ME3: variants seen among roughly 807,000 people sequenced by gnomAD.
The protein encoded by ME3 is malic enzyme 3, also known as NADP-dependent malic enzyme, mitochondrial.
In ME3, 48 loss-of-function variants were observed where a neutral mutation model predicts 68.9. The observed-to-expected ratio is 0.70, with a 90% CI of 0.55 to 0.89. The LOEUF is 0.89. Ranked by LOEUF, ME3 falls within the 40% of genes least tolerant of loss-of-function variation. The probability of loss-of-function intolerance (pLI) is 0.00; values close to 1 mark genes in which losing one functional copy is unlikely to be tolerated. For synonymous variants in ME3, 320 were observed against 318.8 expected (o/e 1.00, Z -0.04); for missense variants, 675 against 797.4 (o/e 0.85, Z 1.85).
rs576958985 is a variant in ME3 at position 86,549,780 on chromosome 11, G to A, written c.467+6773C>T. Among the ~76,000 whole-genome samples the A allele has an allele frequency of 1.3e-4, 20 of 152,228 alleles. No individual in the cohort carries two copies. In the East Asian group the frequency reaches 3.9e-3, roughly 29 times the overall value. ...GGAACTTCAAGAGGAAATTGGGGAA[G>A]AGAGGAGGATGGCAGATGTAGAACT... On this transcript the variant is annotated intron_variant, in intron 4 of 14. Coordinates refer to ENST00000543262, the Ensembl canonical transcript of ME3.
chr11:86,531,638 G>A (rs536955932), intron 4 of ME3, among the ~76,000 whole-genome samples: 110 of 152,222 alleles, frequency 7.2e-4, no homozygotes, highest in Non-Finnish European at 1.1e-3. Context: ...AGAAAATGTG[G>A]CACATATACA....
intron 7 of ME3, among the ~76,000 whole-genome samples, chr11:86,479,090 T>C (rs1253773549): frequency 6.6e-6 from 1 of 152,196 alleles, no homozygotes; most frequent in Middle Eastern, 3.2e-3. Flanking sequence ...CCTCACCCCA[T>C]ATGGGCAGGC....
intron 7 of ME3, among the ~76,000 whole-genome samples, chr11:86,480,549 C>A (rs1473963842): frequency 2.0e-5 from 3 of 152,168 alleles, no homozygotes; most frequent in Non-Finnish European, 4.4e-5. Context: ...CCAGAAACTT[C>A]CCAAGCAGGC....
intron 4 of ME3, among the ~76,000 whole-genome samples, chr11:86,527,910 T>C (rs1216259381): frequency 6.6e-6 from 1 of 152,074 alleles, no homozygotes; most frequent in Non-Finnish European, 1.5e-5. Flanking sequence ...CACACAAAAA[T>C]GTAGAGACCA....
downstream of ME3, among the ~76,000 whole-genome samples, chr11:86,440,474 G>A (rs1003848904): frequency 5.3e-5 from 8 of 152,164 alleles, no homozygotes; most frequent in African/African-American, 1.9e-4. Context: ...CCAGGAAAAT[G>A]AAATCAAGTC....
chr11:86,597,520 G>T (rs538529774), intron 2 of ME3, among the ~76,000 whole-genome samples: 1 of 152,328 alleles, frequency 6.6e-6, no homozygotes, highest in Non-Finnish European at 1.5e-5. Flanking sequence ...CAAGCCTGTT[G>T]TCAGCTCCTT....
intron 2 of ME3, among the ~76,000 whole-genome samples, chr11:86,666,901 AAAG>A (rs1306483663): frequency 1.3e-5 from 2 of 152,234 alleles, no homozygotes; most frequent in East Asian, 3.9e-4. Context: ...CCCCTCATCC[AAAG>A]AAGACAAGAT....
chr11:86,626,715 C>T (rs1471505838), intron 2 of ME3, among the ~76,000 whole-genome samples: 1 of 152,168 alleles, frequency 6.6e-6, no homozygotes, highest in African/African-American at 2.4e-5. Context: ...TTCTAACAAG[C>T]TTTATAAAGG....
chr11:86,493,741 A>G (rs1037562490), intron 6 of ME3, among the ~76,000 whole-genome samples: 1 of 152,204 alleles, frequency 6.6e-6, no homozygotes, highest in Non-Finnish European at 1.5e-5. Context: ...TGGTATTGGC[A>G]GGTAAAAGTG....
chr11:86,437,653 T>C (rs1367137579), downstream of ME3, among the ~76,000 whole-genome samples: 2 of 152,184 alleles, frequency 1.3e-5, no homozygotes, highest in Non-Finnish European at 2.9e-5. Context: ...TGTTTTGTAG[T>C]TTTTGGTATA....
intron 4 of ME3, among the ~76,000 whole-genome samples, chr11:86,518,891 C>A (rs1392539006): frequency 6.6e-6 from 1 of 152,178 alleles, no homozygotes; most frequent in Non-Finnish European, 1.5e-5. Flanking sequence ...AGAGATTGGA[C>A]TGATGCATCC....
At chr11:86,570,514 G>T (rs972480792) in intron 2 of ME3, among the ~76,000 whole-genome samples, 2 of 152,180 alleles carry the variant, frequency 1.3e-5, no homozygotes, top group African/African-American at 4.8e-5. Context: ...ACACTCCTGA[G>T]ATGGATATAT....
chr11:86,601,001 G>A (rs1245367763), intron 2 of ME3, among the ~76,000 whole-genome samples: 1 of 151,814 alleles, frequency 6.6e-6, no homozygotes, highest in Non-Finnish European at 1.5e-5. Context: ...GAGAAAGCAG[G>A]AAAGATCCAA....
chr11:86,554,520 C>T (rs1322281683), intron 4 of ME3, among the ~76,000 whole-genome samples: 2 of 152,134 alleles, frequency 1.3e-5, no homozygotes, highest in Non-Finnish European at 2.9e-5. Flanking sequence ...TCTATCAATC[C>T]TTTCTCCTTT....
chr11:86,644,935 G>A (rs1018244941), intron 2 of ME3, among the ~76,000 whole-genome samples: 1 of 152,150 alleles, frequency 6.6e-6, no homozygotes, highest in Non-Finnish European at 1.5e-5. Context: ...GTGGGGCATC[G>A]CCTCACCTGG....
intron 2 of ME3, among the ~76,000 whole-genome samples, chr11:86,634,043 G>A (rs1243734671): frequency 6.6e-6 from 1 of 152,076 alleles, no homozygotes; most frequent in Non-Finnish European, 1.5e-5. Flanking sequence ...CATTAATTGA[G>A]TCCCCAAATC....
chr11:86,591,434 G>A (rs1166178103), intron 2 of ME3, among the ~76,000 whole-genome samples: 4 of 152,224 alleles, frequency 2.6e-5, no homozygotes, highest in Non-Finnish European at 5.9e-5. Context: ...TATGATGGGT[G>A]TCATAGCAAG....
intron 2 of ME3, among the ~76,000 whole-genome samples, chr11:86,595,125 T>C (rs1424681861): frequency 1.4e-5 from 2 of 144,266 alleles, no homozygotes; most frequent in Non-Finnish European, 3.0e-5. Context: ...TGACAAGGGC[T>C]AATAATAAGA....
chr11:86,472,564 G>A (rs926284453), intron 7 of ME3, among the ~76,000 whole-genome samples: 3 of 152,190 alleles, frequency 2.0e-5, no homozygotes, highest in African/African-American at 7.2e-5. Context: ...AAGACAAAGT[G>A]TGGCAGAGCA....
Sources: gnomAD v4.1 joint callset for allele counts (sites outside exome capture counted in the v4.1 genomes callset) on GRCh38, gnomAD v4.1.1 for gene constraint, MANE v1.5 for transcripts, NCBI Gene and HGNC (gene_info 2026-07-23, HGNC 2026-07-21) for gene names.